Variants in TMEM67 observed in about 807,000 individuals in gnomAD.
TMEM67 encodes the protein transmembrane protein 67, also known as meckelin.
In TMEM67, 124 loss-of-function variants were observed where a neutral mutation model predicts 136.6. The ratio of observed to expected loss-of-function variants is 0.91; its 90% confidence interval spans 0.78 to 1.05. The LOEUF (loss-of-function observed/expected upper bound fraction) is 1.05, where lower values mean the gene tolerates loss of function less well. Among genes scored for constraint, TMEM67 ranks in the 50% least tolerant of loss-of-function variants. The pLI, the probability that TMEM67 is intolerant of heterozygous loss-of-function variation, is 0.00. For synonymous variants in TMEM67, 364 were observed against 390.5 expected, an observed-to-expected ratio of 0.93 and a Z score of 0.80; for missense variants, 1,107 against 1,178.4, an observed-to-expected ratio of 0.94 and a Z score of 0.89.
intron 6 of TMEM67, 61 bp from the exon 7 acceptor site, chr8:93,772,528 C>G (rs1813371134): frequency 6.7e-6 from 8 of 1,196,002 alleles, no homozygotes; most frequent in Non-Finnish European, 9.9e-6. Context: ...ATTTCCCATT[C>G]AACAATATGC....
chr8:93,789,717 T>A (rs1446153568), intron 14 of TMEM67, among the ~76,000 whole-genome samples: 2 of 151,096 alleles, frequency 1.3e-5, no homozygotes, highest in Admixed American at 6.6e-5. Flanking sequence ...CTTTAAATAT[T>A]ATTCTTGTCC....
chr8:93,828,306 C>G, the TMEM67 span, among the ~76,000 whole-genome samples: 1 of 152,134 alleles, frequency 6.6e-6, no homozygotes, highest in African/African-American at 2.4e-5. Flanking sequence ...AGAGAAGACA[C>G]CACCACCATC....
chr8:93,803,625 T>C lies in TMEM67; in HGVS notation c.2263T>C (p.Tyr755His), dbSNP rs2130757495. Residue 755 changes from tyrosine (Y) to histidine (H), a missense_variant, in exon 22 of 28, where the codon TAT (tyrosine) becomes CAT (histidine). Around this residue, in one of 3 missense-constraint regions of TMEM67, gnomAD observed 925 missense variants for 1,002.4 expected, o/e 0.92. Transcript: ENST00000453321. ...IIQVVFFAVF[Y>H]ERFIEDKIRQ... ...TCAGGTCGTGTTCTTTGCTGTCTTT[T>C]ATGAGAGATTTATAGAAGATAAAAT... 1 of 1,603,392 alleles carries C rather than the reference T, an allele frequency of 6.2e-7. No homozygotes were observed. The highest frequency in any genetic ancestry group is 1.7e-5 in the Admixed American group (1 of 60,004).
At chr8:93,829,201 T>C in the TMEM67 span, among the ~76,000 whole-genome samples, 1 of 152,160 alleles carries the variant, frequency 6.6e-6, no homozygotes, top group Non-Finnish European at 1.5e-5. Context: ...GGTCGCACTT[T>C]CCAGGAATGC....
chr8:93,800,539 C>A (rs768450686), intron 21 of TMEM67, among the ~76,000 whole-genome samples: 1 of 152,082 alleles, frequency 6.6e-6, no homozygotes, highest in Non-Finnish European at 1.5e-5. Context: ...TTGCTTTATA[C>A]CTAATAATGT....
At chr8:93,766,300 A>T (rs1368915534) in intron 6 of TMEM67, among the ~76,000 whole-genome samples, 1 of 152,010 alleles carries the variant, frequency 6.6e-6, no homozygotes, top group Non-Finnish European at 1.5e-5. Flanking sequence ...TTGTATTTTC[A>T]GTAGAGATGG....
At chr8:93,763,974 TATC>T (rs769996390) in intron 4 of TMEM67, 33 bp downstream of exon 4, 1 of 1,244,672 alleles carries the variant, frequency 8.0e-7, no homozygotes, top group Non-Finnish European at 1.2e-6. Context: ...ACTTCATTAA[TATC>T]ATCTTATATT....
At chr8:93,791,938 C>T (rs555017183) in intron 15 of TMEM67, 7 of 154,430 alleles carry the variant, frequency 4.5e-5, no homozygotes, top group East Asian at 3.9e-4. Flanking sequence ...CTTGGCTCAC[C>T]GCAACCTCTG....
intron 2 of TMEM67, chr8:93,757,103 A>G (rs1169064230): frequency 6.7e-5 from 10 of 149,454 alleles, no homozygotes; most frequent in Admixed American, 6.7e-4. Context: ...AAATAAATAA[A>G]TAAATAAATA....
chr8:93,804,279 T>C (rs1297899346), intron 22 of TMEM67, among the ~76,000 whole-genome samples: 2 of 147,766 alleles, frequency 1.4e-5, no homozygotes, highest in African/African-American at 5.0e-5. Context: ...CAACCCTGTT[T>C]CTTCTTTTCT....
intron 6 of TMEM67, among the ~76,000 whole-genome samples, chr8:93,766,275 C>T (rs1313574984): frequency 2.6e-5 from 4 of 152,124 alleles, no homozygotes; most frequent in East Asian, 1.9e-4. Flanking sequence ...CCTGCCACTA[C>T]GCCCGGCTAA....
At position 93,815,412 on chromosome 8, in the gene TMEM67, A is replaced by G; in HGVS notation, c.2872A>G (p.Ile958Val). 6.2e-7 allele frequency: 1 copy of G among 1,612,888 alleles called. No homozygotes were observed. The highest frequency in any genetic ancestry group is 1.1e-5 in the South Asian group (1 of 90,824). The change falls in exon 27 of 28, where the codon ATT becomes GTT. Residue 958 changes from isoleucine to valine, a missense_variant. Coordinates refer to ENST00000453321, the MANE Select transcript of TMEM67 (RefSeq NM_153704.6). ...CVVDLACQNF[I>V]LASFLTYLQQ... Reference sequence around the variant, plus strand: ...TGTGGATTTGGCTTGCCAAAATTTTATTTTAGCATCCTTCCTTACATATCT... The same window carrying G: ...TGTGGATTTGGCTTGCCAAAATTTTGTTTTAGCATCCTTCCTTACATATCT...
At chr8:93,785,406 TC>T (rs1814049620) in intron 12 of TMEM67, 28 bp downstream of exon 12, 3 of 1,602,808 alleles carry the variant, frequency 1.9e-6, no homozygotes, top group Middle Eastern at 1.7e-4. Flanking sequence ...ACCACTCTTT[TC>T]CCTGAGCAGA....
rs767428108 is a variant in TMEM67, at chr8:93,804,894, AC to A, written c.2439+17del. On this transcript the variant is annotated intron_variant, in intron 23 of 27. Coordinates refer to ENST00000453321, the MANE Select transcript of TMEM67 (RefSeq NM_153704.6). ...AAGAGAAGCGGTATGAAAATGTTTT[AC>A]ATCTTTTTGTTTTTAAGTTGAGAAG... 7.1e-7 allele frequency: 1 copy of A among 1,413,338 alleles called. No homozygotes were observed. The highest frequency in any genetic ancestry group is 1.0e-6 in the Non-Finnish European group (1 of 997,872). 87.5% of individuals were successfully genotyped at this position (1,413,338 alleles called of 1,614,324 possible). A position where few individuals can be genotyped will look rare whatever the true frequency, so the allele number is the denominator to read the frequency against.
intron 6 of TMEM67, among the ~76,000 whole-genome samples, chr8:93,768,497 C>A (rs1434028693): frequency 6.6e-6 from 1 of 151,966 alleles, no homozygotes; most frequent in Non-Finnish European, 1.5e-5. Flanking sequence ...TGTAACCCAG[C>A]TTCTCAAGAG....
intron 6 of TMEM67, among the ~76,000 whole-genome samples, chr8:93,767,675 A>G (rs1347591938): frequency 6.7e-6 from 1 of 149,114 alleles, no homozygotes. Context: ...TGATGCTCAA[A>G]TTGTCCTATA....
At chr8:93,826,868 C>T in the TMEM67 span, among the ~76,000 whole-genome samples, 6 of 152,074 alleles carry the variant, frequency 3.9e-5, no homozygotes, top group Non-Finnish European at 7.4e-5. Flanking sequence ...TCGCTTTTGT[C>T]GCCCAAGCTG....
chr8:93,755,177 C>T lies in TMEM67; in HGVS notation c.223+40C>T, dbSNP rs764236301. 3.8e-6 allele frequency: 6 copies of T among 1,573,386 alleles called. No homozygotes were observed. In the African/African-American group the frequency reaches 6.8e-5, roughly 18 times the overall value. ...GGTGGGCCCTGGCAAAAGTAACACT[C>T]CCGCCTTGGTCGGCCCCTAGTCCCC... On this transcript the variant is annotated intron_variant, in intron 1 of 27. Coordinates refer to ENST00000453321, the MANE Select transcript of TMEM67 (RefSeq NM_153704.6).
At chr8:93,776,813 C>G (rs527777381) in intron 7 of TMEM67, among the ~76,000 whole-genome samples, 1 of 152,214 alleles carries the variant, frequency 6.6e-6, no homozygotes, top group African/African-American at 2.4e-5. Context: ...CTAAAATTCT[C>G]TTTTTTTGTT....
Sources: allele counts gnomAD v4.1 joint callset (sites outside exome capture counted in the v4.1 genomes callset), GRCh38; gene constraint gnomAD v4.1.1; regional missense constraint gnomAD v4.1.1; transcripts MANE v1.5; gene names NCBI Gene and HGNC (gene_info 2026-07-23, HGNC 2026-07-21).